RABL3: variants seen among roughly 807,000 people sequenced by gnomAD.
RABL3 encodes the protein rab-like protein 3.
RABL3 carries 31 observed loss-of-function variants against 31.8 expected under a neutral mutation model. The observed-to-expected ratio is 0.97, with a 90% CI of 0.73 to 1.31. The LOEUF is 1.31. Among genes scored for constraint, RABL3 ranks in the 40% most tolerant of loss-of-function variants. The pLI is 0.00. For synonymous variants in RABL3, 97 were observed against 99.9 expected (o/e 0.97, Z 0.18); for missense variants, 263 against 279.6 (o/e 0.94, Z 0.42).
intron 2 of RABL3, among the ~76,000 whole-genome samples, chr3:120,726,125 C>T (rs899595627): frequency 6.6e-6 from 1 of 152,008 alleles, no homozygotes; most frequent in Non-Finnish European, 1.5e-5. Flanking sequence ...CTACTCAACA[C>T]CTCTGGGTAA....
intron 2 of RABL3, among the ~76,000 whole-genome samples, chr3:120,714,662 T>C (rs893859688): frequency 6.6e-6 from 1 of 152,234 alleles, no homozygotes; most frequent in Admixed American, 6.5e-5. Context: ...AAATATTCCA[T>C]TGCACTTTCA....
At chr3:120,690,040 A>G in intron 7 of RABL3, 152 bp from the exon 8 acceptor site, 2 of 609,220 alleles carry the variant, frequency 3.3e-6, no homozygotes, top group Admixed American at 2.9e-5. Context: ...ACCACAGATT[A>G]AATAATAAAA....
At chr3:120,710,189 T>G in intron 2 of RABL3, among the ~76,000 whole-genome samples, 1 of 152,034 alleles carries the variant, frequency 6.6e-6, no homozygotes, top group East Asian at 1.9e-4. Flanking sequence ...GTCACTCCTT[T>G]GCCCCTCTCT....
intron 2 of RABL3, among the ~76,000 whole-genome samples, chr3:120,725,447 G>T (rs572021740): frequency 1.3e-5 from 2 of 152,122 alleles, no homozygotes; most frequent in Non-Finnish European, 2.9e-5. Flanking sequence ...CCATTACTGC[G>T]TATATACCCA....
chr3:120,687,707 G>C lies in RABL3; in HGVS notation c.*2116C>G, dbSNP rs1293226386. The C allele has an allele frequency of 6.6e-6, 1 of 151,886 alleles. No homozygotes were observed. The highest frequency in any genetic ancestry group is 1.9e-4 in the East Asian group (1 of 5,196). The allele number at this position is 151,886 out of a possible 1,614,324, so 9.4% of individuals were successfully genotyped here. On this transcript the variant is annotated 3_prime_UTR_variant, in exon 8 of 8. Transcript: ENST00000273375. ...TCAAGCTTGGCTGCAGAAAGTAATG[G>C]AGTTGAGGAATACTGTTAATTTTTC...
At position 120,708,371 on chromosome 3, in the gene RABL3, C is replaced by T. The variant is rs563337342; in HGVS notation, c.268+1409G>A. 2.6e-5 allele frequency among the ~76,000 whole-genome samples: 4 copies of T among 151,998 alleles called. No individual in the cohort carries two copies. The East Asian group carries it at 5.8e-4, about 22-fold the overall frequency. On this transcript the variant is annotated intron_variant, in intron 3 of 7. Coordinates refer to ENST00000273375, the MANE Select transcript of RABL3 (RefSeq NM_173825.5). ...AAACAAATATAGATTAGATGGATTT[C>T]TTCTTCAGCACTTACAAGTTTACAA...
intron 4 of RABL3, among the ~76,000 whole-genome samples, chr3:120,703,798 A>G (rs191157279): frequency 6.6e-6 from 1 of 152,204 alleles, no homozygotes; most frequent in Non-Finnish European, 1.5e-5. Context: ...GATATACATT[A>G]AAAAATTTAA....
At chr3:120,729,688 A>C (rs1446867922) in intron 2 of RABL3, among the ~76,000 whole-genome samples, 6 of 152,180 alleles carry the variant, frequency 3.9e-5, no homozygotes, top group Non-Finnish European at 8.8e-5. Flanking sequence ...GATATATTAA[A>C]AAGCAGATTA....
chr3:120,711,071 C>T (rs1708607800), intron 2 of RABL3, among the ~76,000 whole-genome samples: 1 of 152,076 alleles, frequency 6.6e-6, no homozygotes, highest in African/African-American at 2.4e-5. Context: ...TTTCACCTGG[C>T]TTCTGGGATA....
intron 1 of RABL3, among the ~76,000 whole-genome samples, chr3:120,740,662 G>A (rs1709030307): frequency 6.6e-6 from 1 of 152,220 alleles, no homozygotes; most frequent in Non-Finnish European, 1.5e-5. Context: ...GGCTGAGGAA[G>A]TGTAAAAAGT....
At chr3:120,741,773 T>C (rs1038895371) in intron 1 of RABL3, among the ~76,000 whole-genome samples, 4 of 152,222 alleles carry the variant, frequency 2.6e-5, no homozygotes, top group African/African-American at 9.6e-5. Flanking sequence ...ATTTCTCTAT[T>C]GTACAGTCTA....
chr3:120,691,270 A>G (rs1708376994), intron 6 of RABL3, among the ~76,000 whole-genome samples: 1 of 152,234 alleles, frequency 6.6e-6, no homozygotes, highest in Admixed American at 6.5e-5. Context: ...TTTCAAGAAT[A>G]ATAAATTCTG....
In RABL3 at chr3:120,686,353, C is replaced by T. The variant is rs558881925; in HGVS notation, c.*3470G>A. Among the ~76,000 whole-genome samples, 1 of 152,242 alleles carries T rather than the reference C, an allele frequency of 6.6e-6. No individual in the cohort carries two copies. The highest frequency in any genetic ancestry group is 2.1e-4 in the South Asian group (1 of 4,822). ...ATCTAGTAACCCATACAAGGTCCTA[C>T]CTATGGTGGGTGCTACTGCAAACTA... On this transcript the variant is annotated 3_prime_UTR_variant, in exon 8 of 8. Transcript: ENST00000273375.
intron 2 of RABL3, among the ~76,000 whole-genome samples, chr3:120,729,681 AT>A (rs2107594650): frequency 6.6e-6 from 1 of 152,284 alleles, no homozygotes; most frequent in South Asian, 2.1e-4. Flanking sequence ...CTGTATAGAT[AT>A]ATTAAAAAGC....
At chr3:120,692,264 T>C (rs899104154) in intron 6 of RABL3, among the ~76,000 whole-genome samples, 1 of 152,112 alleles carries the variant, frequency 6.6e-6, no homozygotes, top group African/African-American at 2.4e-5. Context: ...AGTGGTGCGA[T>C]CTCGGCTCAC....
rs6769159 is a variant in RABL3 at position 120,686,473 on chromosome 3, T to C, written c.*3350A>G. ...CTGCACATCATTTCCATGAAGTCCA[T>C]GTCAGAATGAACAGAAAAACAAGTG... On this transcript the variant is annotated 3_prime_UTR_variant, in exon 8 of 8. Transcript: ENST00000273375. Among the ~76,000 whole-genome samples, 4,711 of 106,200 alleles carry C rather than the reference T, an allele frequency of 0.044. 179 individuals are homozygous for C. Among genetic ancestry groups the C allele is most frequent in the South Asian group, 0.12 (384 of 3,132 alleles). 69.7% of individuals were successfully genotyped at this position (106,200 alleles called of 152,430 possible). A position where few individuals can be genotyped will look rare whatever the true frequency, so the allele number is the denominator to read the frequency against.
intron 2 of RABL3, among the ~76,000 whole-genome samples, chr3:120,712,661 T>C (rs1708625352): frequency 6.6e-6 from 1 of 152,168 alleles, no homozygotes; most frequent in South Asian, 2.1e-4. Flanking sequence ...TACTGATATC[T>C]CTTCTTCTAG....
rs1559807655 is a variant in RABL3 at position 120,685,868 on chromosome 3, T to C, written c.*3955A>G. Among the ~76,000 whole-genome samples the C allele has an allele frequency of 1.3e-5, 2 of 152,314 alleles. No homozygotes were observed. Among genetic ancestry groups the C allele is most frequent in the South Asian group, 4.1e-4 (2 of 4,828 alleles). ...AAATCCTGGCCTTATCCTATACATA[T>C]AGAAAGGGGAGAGTAAGGGAAGAGA... On this transcript the variant is annotated 3_prime_UTR_variant, in exon 8 of 8. Coordinates refer to ENST00000273375, the MANE Select transcript of RABL3 (RefSeq NM_173825.5).
intron 5 of RABL3, among the ~76,000 whole-genome samples, chr3:120,696,116 AT>A (rs1708432918): frequency 6.6e-6 from 1 of 152,240 alleles, no homozygotes; most frequent in African/African-American, 2.4e-5. Flanking sequence ...ACAGGGTACA[AT>A]AAGCCTAACA....
Sources: allele counts gnomAD v4.1 joint callset (sites outside exome capture counted in the v4.1 genomes callset), GRCh38; gene constraint gnomAD v4.1.1; transcripts MANE v1.5; gene names NCBI Gene and HGNC (gene_info 2026-07-23, HGNC 2026-07-21).